DHX33: variants seen among roughly 807,000 people sequenced by gnomAD.
DHX33 encodes DEAH-box helicase 33, also known as ATP-dependent RNA helicase DHX33.
In DHX33, 42 loss-of-function variants were observed where a neutral mutation model predicts 72.5. That is an observed-to-expected ratio of 0.58 (90% CI 0.45 to 0.75). The LOEUF (loss-of-function observed/expected upper bound fraction) is 0.75. Among genes scored for constraint, DHX33 ranks in the 30% least tolerant of loss-of-function variants. DHX33 has a pLI of 0.00. For missense variants in DHX33, 842 were observed against 917.5 expected (o/e 0.92, Z 1.06); for synonymous variants, 358 against 366.1 (o/e 0.98, Z 0.25).
intron 11 of DHX33, among the ~76,000 whole-genome samples, chr17:5,445,888 T>C (rs573330706): frequency 2.6e-5 from 4 of 152,338 alleles, no homozygotes; most frequent in African/African-American, 4.8e-5. Context: ...CAGAGATACC[T>C]TTCCATCCTT....
intron 8 of DHX33, among the ~76,000 whole-genome samples, chr17:5,453,305 C>T (rs1917034054): frequency 6.6e-6 from 1 of 152,152 alleles, no homozygotes; most frequent in African/African-American, 2.4e-5. Context: ...GGGGGGATCG[C>T]TGGAGCCCAG....
At chr17:5,453,693 C>T in intron 7 of DHX33, 25 bp from the exon 8 acceptor site, 1 of 1,613,482 alleles carries the variant, frequency 6.2e-7, no homozygotes, top group Non-Finnish European at 8.5e-7. Context: ...AGACCAGGGT[C>T]ATGACCTGAT....
intron 1 of DHX33, among the ~76,000 whole-genome samples, chr17:5,464,120 G>C (rs761424835): frequency 1.3e-5 from 2 of 152,096 alleles, no homozygotes; most frequent in Non-Finnish European, 2.9e-5. Flanking sequence ...AGGATCACTT[G>C]AGCCCAGGAG....
chr17:5,462,312 C>T lies in DHX33; in HGVS notation c.678+7G>A. On this transcript the variant is annotated splice_region_variant and intron_variant, in intron 3 of 11. Transcript: ENST00000225296. ...CCTCATACTTTCAGGGGAAGTTTCCCTCATACTTTCAGAGGAAGTTTCCCG... is the reference window on the plus strand; with the variant it reads ...CCTCATACTTTCAGGGGAAGTTTCCTTCATACTTTCAGAGGAAGTTTCCCG... 6.2e-7 allele frequency: 1 copy of T among 1,612,624 alleles called. No individual in the cohort carries two copies. Among genetic ancestry groups the T allele is most frequent in the African/African-American group, 1.3e-5 (1 of 74,918 alleles).
At chr17:5,464,190 C>T (rs1426582599) in intron 1 of DHX33, among the ~76,000 whole-genome samples, 4 of 151,942 alleles carry the variant, frequency 2.6e-5, no homozygotes, top group Non-Finnish European at 5.9e-5. Flanking sequence ...ATTAGTTGGA[C>T]GTGGTGGTGC....
At chr17:5,450,435 A>G in intron 9 of DHX33, 29 bp from the exon 10 acceptor site, 1 of 1,607,014 alleles carries the variant, frequency 6.2e-7, no homozygotes, top group Admixed American at 1.7e-5. Flanking sequence ...AATTGTGTAA[A>G]CCCAGCTTTC....
In DHX33 at chr17:5,468,836, C is replaced by A; in HGVS notation, c.24G>T (p.Pro8=). 2 of 1,563,358 alleles carry A rather than the reference C, an allele frequency of 1.3e-6. No homozygotes were observed. Among genetic ancestry groups the A allele is most frequent in the South Asian group, 1.2e-5 (1 of 85,550 alleles). Residue 8 remains proline, a synonymous_variant, in exon 1 of 12, where the codon CCG becomes CCT. Coordinates refer to ENST00000225296, the MANE Select transcript of DHX33 (RefSeq NM_020162.4). ...AGCCTGGCCGGAATCTCTTGGCCGGCGGGAAGCCCGCCTCCTCCGGCATGT... is the reference window on the plus strand; with the variant it reads ...AGCCTGGCCGGAATCTCTTGGCCGGAGGGAAGCCCGCCTCCTCCGGCATGT... MPEEAGF[P]PAKRFRPGSG...
chr17:5,468,869 G>T lies in DHX33; in HGVS notation c.-10C>A, dbSNP rs763421628. The T allele has an allele frequency of 1.2e-5, 18 of 1,550,530 alleles. No individual in the cohort carries two copies. The highest frequency in any genetic ancestry group is 1.5e-5 in the Non-Finnish European group (17 of 1,147,458). ...CCGCCTCCTCCGGCATGTCGGGAGG[G>T]CACCGCGGCGGGAGGCGCAAGCGCC... On this transcript the variant is annotated 5_prime_UTR_variant, in exon 1 of 12. Transcript: ENST00000225296.
chr17:5,466,623 G>GT (rs756552771), intron 1 of DHX33, among the ~76,000 whole-genome samples: 1 of 152,180 alleles, frequency 6.6e-6, no homozygotes, highest in Non-Finnish European at 1.5e-5. Context: ...TGCAAGAAAT[G>GT]TTTTACAATT....
At chr17:5,465,585 G>C (rs927749830) in intron 1 of DHX33, among the ~76,000 whole-genome samples, 4 of 152,162 alleles carry the variant, frequency 2.6e-5, no homozygotes, top group African/African-American at 9.7e-5. Context: ...AAAACTTTTT[G>C]AGCATCTGAT....
chr17:5,448,536 C>A (rs550431108), intron 11 of DHX33, among the ~76,000 whole-genome samples: 1 of 152,182 alleles, frequency 6.6e-6, no homozygotes, highest in Admixed American at 6.5e-5. Flanking sequence ...ATGAAGAATT[C>A]TAACACTGGA....
chr17:5,442,472 T>G lies in DHX33; in HGVS notation c.*1733A>C, dbSNP rs967941702. The G allele has an allele frequency of 7.9e-5, 12 of 152,168 alleles. No homozygotes were observed. Among genetic ancestry groups the G allele is most frequent in the African/African-American group, 2.7e-4 (11 of 41,418 alleles). The allele number at this position is 152,168 out of a possible 1,614,324, so 9.4% of individuals were successfully genotyped here. A position where few individuals can be genotyped will look rare whatever the true frequency, so the allele number is the denominator to read the frequency against. On this transcript the variant is annotated 3_prime_UTR_variant, in exon 12 of 12. Transcript: ENST00000225296. ...TCAGTAAGATAAGGTATATAGGAGC[T>G]GTCAGATCTTCTTTTGCCCACGTAT... is the stretch of plus-strand genomic sequence containing the variant.
chr17:5,449,308 T>C (rs534735474), intron 10 of DHX33, among the ~76,000 whole-genome samples: 1 of 152,360 alleles, frequency 6.6e-6, no homozygotes, highest in Admixed American at 6.5e-5. Context: ...ATCTCTAGAA[T>C]TGATTTTAAA....
chr17:5,452,385 C>T (rs1345396773), intron 8 of DHX33, among the ~76,000 whole-genome samples: 2 of 152,030 alleles, frequency 1.3e-5, no homozygotes, highest in Non-Finnish European at 2.9e-5. Context: ...CTAAAAAATA[C>T]AAAAATTAGC....
At chr17:5,457,939 T>G (rs1392173971) in intron 4 of DHX33, among the ~76,000 whole-genome samples, 1 of 152,156 alleles carries the variant, frequency 6.6e-6, no homozygotes, top group Non-Finnish European at 1.5e-5. Flanking sequence ...GGCCACTGTC[T>G]TAGAAAGAAA....
chr17:5,468,195 G>C (rs1025897104), intron 1 of DHX33, among the ~76,000 whole-genome samples: 1 of 152,118 alleles, frequency 6.6e-6, no homozygotes, highest in Non-Finnish European at 1.5e-5. Flanking sequence ...ATGTGTTCAG[G>C]TTCCCATCTC....
rs1916554277 is a variant in DHX33 at position 5,444,370 on chromosome 17, G to A, written c.1959C>T (p.His653=). 5 of 1,614,270 alleles carry A rather than the reference G, an allele frequency of 3.1e-6. No homozygotes were observed. In the East Asian group the frequency reaches 8.9e-5, roughly 29 times the overall value. Residue 653 remains histidine, a synonymous_variant, in exon 12 of 12, where the codon CAC becomes CAT. Coordinates refer to ENST00000225296, the MANE Select transcript of DHX33 (RefSeq NM_020162.4). This position sits in a 1 kb window ranked among gnomAD's most constrained non-coding sequence, Gnocchi z 4.9. ...TGCAGTGGAAGAGGACAGACGACGG[G>A]TGGATGGCCACTGGCTGGTGGGTGT... ...TTDTHQPVAI[H]PSSVLFHCKP... is the part of the protein sequence containing the mutation.
At position 5,444,041 on chromosome 17, in the gene DHX33, G is replaced by T; in HGVS notation, c.*164C>A. 1.3e-6 allele frequency: 1 copy of T among 744,040 alleles called. No individual in the cohort carries two copies. Among genetic ancestry groups the T allele is most frequent in the Non-Finnish European group, 2.1e-6 (1 of 466,700 alleles). The allele number at this position is 744,040 out of a possible 1,614,324, so 46.1% of individuals were successfully genotyped here. On this transcript the variant is annotated 3_prime_UTR_variant, in exon 12 of 12. Transcript: ENST00000225296. The surrounding 1 kb of genome is among the most constrained non-coding windows in gnomAD (Gnocchi z 4.9). ...CAAATGATATGTCCATGTCTATATG[G>T]TTCAGTCCCAGGAGTTGAGCAAAGA...
chr17:5,447,940 A>T (rs1397642676), intron 11 of DHX33, among the ~76,000 whole-genome samples: 4 of 152,248 alleles, frequency 2.6e-5, no homozygotes, highest in African/African-American at 9.6e-5. Flanking sequence ...GCACTTCGGG[A>T]GGCCGAGGCG....
Sources: allele counts gnomAD v4.1 joint callset (sites outside exome capture counted in the v4.1 genomes callset), GRCh38; gene constraint gnomAD v4.1.1; non-coding constraint Gnocchi (gnomAD v3.1); transcripts MANE v1.5; gene names NCBI Gene and HGNC (gene_info 2026-07-23, HGNC 2026-07-21).